Variants in CACNG2 observed in about 807,000 individuals in gnomAD.
The protein encoded by CACNG2 is calcium voltage-gated channel auxiliary subunit gamma 2.
Under a neutral mutation model 25.9 loss-of-function variants are expected in CACNG2, and 3 were observed. The ratio of observed to expected loss-of-function variants is 0.12; its 90% confidence interval spans 0.05 to 0.30. The LOEUF (loss-of-function observed/expected upper bound fraction) is 0.30. Among genes scored for constraint, CACNG2 ranks in the 10% least tolerant of loss-of-function variants. CACNG2 has a pLI of 1.00. For synonymous variants in CACNG2, 167 were observed against 173.3 expected (o/e 0.96, Z 0.29); for missense variants, 341 against 432.5 (o/e 0.79, Z 1.88).
intron 1 of CACNG2, among the ~76,000 whole-genome samples, chr22:36,617,115 T>C (rs1936033082): frequency 6.6e-6 from 1 of 152,178 alleles, no homozygotes; most frequent in African/African-American, 2.4e-5. Context: ...AATTGAGACC[T>C]TGAACATGAC....
At chr22:36,669,626 C>T (rs185065015) in intron 1 of CACNG2, among the ~76,000 whole-genome samples, 23 of 152,086 alleles carry the variant, frequency 1.5e-4, no homozygotes, top group South Asian at 1.2e-3. Context: ...TGCATGTACG[C>T]GCATGAGTGT....
chr22:36,560,872 A>AT lies in CACNG2; in HGVS notation c.*3478_*3479insA, dbSNP rs35112067. ...TTCACTGAAGTGAGGACCAAGCTAT[A>AT]AAAAAAAAAAATCTTTATTTCATGT... On this transcript the variant is annotated 3_prime_UTR_variant, in exon 4 of 4. Coordinates refer to ENST00000300105, the MANE Select transcript of CACNG2 (RefSeq NM_006078.5). 2 of 101,938 alleles carry AT rather than the reference A, an allele frequency of 2.0e-5. No homozygotes were observed. Among genetic ancestry groups the AT allele is most frequent in the Admixed American group, 1.8e-4 (2 of 11,044 alleles). 6.3% of individuals were successfully genotyped at this position (101,938 alleles called of 1,614,324 possible).
At chr22:36,624,291 G>C (rs573338789) in intron 1 of CACNG2, among the ~76,000 whole-genome samples, 1 of 152,180 alleles carries the variant, frequency 6.6e-6, no homozygotes. Flanking sequence ...CTGGTGGTGA[G>C]AGCAATGGCA....
In CACNG2 at chr22:36,702,637, TGCAA is replaced by T; in HGVS notation, c.-65_-62del. On this transcript the variant is annotated 5_prime_UTR_variant, in exon 1 of 4. Coordinates refer to ENST00000300105, the MANE Select transcript of CACNG2 (RefSeq NM_006078.5). ...GTTCTCGGGAGAGTGTGTGTGAGGG[TGCAA>T]GTACTAAAGCCAAAAAAAATAAATA... The T allele has an allele frequency of 1.5e-6, 2 of 1,352,346 alleles. No individual in the cohort carries two copies. Among genetic ancestry groups the T allele is most frequent in the South Asian group, 2.3e-5 (2 of 85,366 alleles). The allele number at this position is 1,352,346 out of a possible 1,614,324, so 83.8% of individuals were successfully genotyped here.
At chr22:36,652,398 G>A (rs901249127) in intron 1 of CACNG2, among the ~76,000 whole-genome samples, 2 of 152,164 alleles carry the variant, frequency 1.3e-5, no homozygotes, top group African/African-American at 2.4e-5. Flanking sequence ...CCTCTCAGCA[G>A]TACAGTCTCT....
intron 1 of CACNG2, among the ~76,000 whole-genome samples, chr22:36,591,222 T>A (rs1040296775): frequency 6.6e-6 from 1 of 151,952 alleles, no homozygotes; most frequent in African/African-American, 2.4e-5. Flanking sequence ...TTTGTATTAT[T>A]TGTAGAGACG....
chr22:36,614,449 T>C (rs996468558), intron 1 of CACNG2, among the ~76,000 whole-genome samples: 1 of 152,170 alleles, frequency 6.6e-6, no homozygotes, highest in African/African-American at 2.4e-5. Context: ...CACCCCGCAC[T>C]CTTTGGTATG....
intron 1 of CACNG2, among the ~76,000 whole-genome samples, chr22:36,611,747 C>T (rs555361995): frequency 9.9e-5 from 15 of 152,210 alleles, no homozygotes; most frequent in Non-Finnish European, 1.3e-4. Context: ...GCACTGTGGC[C>T]GGCGTCTGTT....
At chr22:36,693,276 A>G (rs755018452) in intron 1 of CACNG2, among the ~76,000 whole-genome samples, 37 of 152,352 alleles carry the variant, frequency 2.4e-4, no homozygotes, top group African/African-American at 8.9e-4. Context: ...GGACTAGCAC[A>G]TAGTATGTGT....
chr22:36,631,328 GT>G (rs1160963069), intron 1 of CACNG2, among the ~76,000 whole-genome samples: 2 of 152,224 alleles, frequency 1.3e-5, no homozygotes, highest in African/African-American at 2.4e-5. Flanking sequence ...GATGTGGTGT[GT>G]CACTTCCCTG....
At chr22:36,583,922 C>G (rs1012872847) in intron 2 of CACNG2, among the ~76,000 whole-genome samples, 5 of 152,218 alleles carry the variant, frequency 3.3e-5, no homozygotes, top group African/African-American at 1.2e-4. Context: ...TGGGCTCCTG[C>G]AAGACCAGCT....
intron 2 of CACNG2, among the ~76,000 whole-genome samples, chr22:36,584,109 C>T (rs1935462640): frequency 6.6e-6 from 1 of 152,174 alleles, no homozygotes; most frequent in Non-Finnish European, 1.5e-5. Flanking sequence ...CCACTGGCCC[C>T]TCCCCCATCA....
intron 2 of CACNG2, among the ~76,000 whole-genome samples, chr22:36,580,960 G>A (rs748959658): frequency 3.9e-5 from 6 of 152,104 alleles, no homozygotes; most frequent in African/African-American, 9.7e-5. Context: ...TGCGGGTACC[G>A]AAAGACACAG....
intron 1 of CACNG2, among the ~76,000 whole-genome samples, chr22:36,644,394 G>A (rs1044285497): frequency 3.9e-5 from 6 of 152,180 alleles, no homozygotes; most frequent in Non-Finnish European, 7.3e-5. Flanking sequence ...TTTGAGAGCT[G>A]CTCTATTGTC....
At position 36,561,580 on chromosome 22, in the gene CACNG2, C is replaced by A. The variant is rs1935029266; in HGVS notation, c.*2771G>T. 1 of 152,180 alleles carries A rather than the reference C, an allele frequency of 6.6e-6. No homozygotes were observed. Among genetic ancestry groups the A allele is most frequent in the Admixed American group, 6.5e-5 (1 of 15,270 alleles). 9.4% of individuals were successfully genotyped at this position (152,180 alleles called of 1,614,324 possible). ...GAAAGGCAGGTGAGATGTGCAAGCT[C>A]AAAAAGCCTTACTAGCCATTCTCTA... On this transcript the variant is annotated 3_prime_UTR_variant, in exon 4 of 4. Transcript: ENST00000300105.
intron 1 of CACNG2, among the ~76,000 whole-genome samples, chr22:36,670,938 G>C (rs1416528517): frequency 1.9e-5 from 2 of 107,454 alleles, no homozygotes; most frequent in Non-Finnish European, 3.9e-5. Context: ...TTTTTTTTTT[G>C]AGACGGAGTC....
At chr22:36,578,393 C>A (rs1935361179) in intron 2 of CACNG2, among the ~76,000 whole-genome samples, 1 of 148,712 alleles carries the variant, frequency 6.7e-6, no homozygotes, top group African/African-American at 2.5e-5. Context: ...TGGATCATTA[C>A]ACTTCTAAAA....
intron 1 of CACNG2, among the ~76,000 whole-genome samples, chr22:36,698,464 A>G (rs1400454597): frequency 6.6e-6 from 1 of 152,222 alleles, no homozygotes; most frequent in Non-Finnish European, 1.5e-5. Flanking sequence ...CTAAAATAAA[A>G]GATGAATCCT....
At chr22:36,590,184 C>G (rs1218707886) in intron 1 of CACNG2, among the ~76,000 whole-genome samples, 1 of 152,182 alleles carries the variant, frequency 6.6e-6, no homozygotes, top group Non-Finnish European at 1.5e-5. Flanking sequence ...TGTGTGCAAG[C>G]CTGGGCTTCA....
Sources: gnomAD v4.1 joint callset for allele counts (sites outside exome capture counted in the v4.1 genomes callset) on GRCh38, gnomAD v4.1.1 for gene constraint, MANE v1.5 for transcripts, NCBI Gene and HGNC (gene_info 2026-07-23, HGNC 2026-07-21) for gene names.